Variants in TPCN1 observed in about 807,000 individuals in gnomAD.
TPCN1 encodes the protein two pore channel protein 1.
Under a neutral mutation model 108.8 loss-of-function variants are expected in TPCN1, and 52 were observed. That is an observed-to-expected ratio of 0.48 (90% CI 0.38 to 0.60). The LOEUF (loss-of-function observed/expected upper bound fraction) is 0.60, where lower values mean the gene tolerates loss of function less well. TPCN1 is among the 20% of genes least tolerant of loss of function. The pLI is 0.00. For synonymous variants in TPCN1, 446 were observed against 433.7 expected, an observed-to-expected ratio of 1.03 and a Z score of -0.35; for missense variants, 806 against 1,072.8, an observed-to-expected ratio of 0.75 and a Z score of 3.47.
intron 2 of TPCN1, among the ~76,000 whole-genome samples, chr12:113,259,291 C>A (rs1954937961): frequency 6.6e-6 from 1 of 152,160 alleles, no homozygotes; most frequent in Non-Finnish European, 1.5e-5. Flanking sequence ...ACATTAGATT[C>A]TTTATCTTCC....
intron 1 of TPCN1, among the ~76,000 whole-genome samples, 165 bp downstream of exon 1, chr12:113,221,791 A>T (rs1414178778): frequency 6.6e-6 from 1 of 152,138 alleles, no homozygotes; most frequent in Non-Finnish European, 1.5e-5. Flanking sequence ...CTCTCCGTCC[A>T]GCCCGGGCCG....
chr12:113,275,099 G>A (rs188574161), intron 10 of TPCN1, among the ~76,000 whole-genome samples: 6 of 152,280 alleles, frequency 3.9e-5, no homozygotes, highest in East Asian at 1.9e-4. Context: ...CAGAGCTAAC[G>A]GGGAGAGGCT....
chr12:113,296,380 T>A lies in TPCN1; in HGVS notation c.*304T>A. The A allele has an allele frequency of 2.8e-6, 1 of 351,750 alleles. No individual in the cohort carries two copies. The highest frequency in any genetic ancestry group is 5.2e-6 in the Non-Finnish European group (1 of 190,806). The allele number at this position is 351,750 out of a possible 1,614,324, so 21.8% of individuals were successfully genotyped here. Reference sequence around the variant, plus strand: ...ACCTGGATCCAGTCGACTGCGGGGCTTGCCCCTCATGTGGGCTGGCCTCCA... The same window carrying A: ...ACCTGGATCCAGTCGACTGCGGGGCATGCCCCTCATGTGGGCTGGCCTCCA... On this transcript the variant is annotated 3_prime_UTR_variant, in exon 28 of 28. Coordinates refer to ENST00000335509, the MANE Select transcript of TPCN1 (RefSeq NM_017901.6).
At position 113,284,884 on chromosome 12, in the gene TPCN1, C is replaced by A; in HGVS notation, c.1453+113C>A. On this transcript the variant is annotated intron_variant, in intron 17 of 27. Coordinates refer to ENST00000335509, the MANE Select transcript of TPCN1 (RefSeq NM_017901.6). The surrounding 1 kb of genome is among the most constrained non-coding windows in gnomAD (Gnocchi z 4.1). ...TCTAAAACAGGAAGCTATAAAGAGA[C>A]GGAGTAATCAGTCTGATTCCATCTC... is the stretch of plus-strand genomic sequence containing the variant. 1.6e-6 allele frequency: 2 copies of A among 1,215,616 alleles called. No individual in the cohort carries two copies. Among genetic ancestry groups the A allele is most frequent in the Non-Finnish European group, 2.4e-6 (2 of 828,658 alleles). The allele number at this position is 1,215,616 out of a possible 1,614,324, so 75.3% of individuals were successfully genotyped here.
chr12:113,260,456 G>A lies in TPCN1; in HGVS notation c.201G>A (p.Trp67Ter), dbSNP rs1251448607. 2 of 1,571,502 alleles carry A rather than the reference G, an allele frequency of 1.3e-6. No individual in the cohort carries two copies. The highest frequency in any genetic ancestry group is 1.7e-6 in the Non-Finnish European group (2 of 1,161,614). The part of the protein sequence containing the change: ...ESSPSSPAHN[W>*]EMNYQEAAIY... ...CCCCCTCCAGCCCCGCACACAACTG[G>A]GAGATGAATTACCAAGAGGCAGCAA... The change falls in exon 3 of 28, where the codon TGG (tryptophan) becomes TGA (stop). Residue 67 changes from tryptophan (W) to a stop codon, truncating the protein, a stop_gained. Coordinates refer to ENST00000335509, the MANE Select transcript of TPCN1 (RefSeq NM_017901.6). LOFTEE classifies it high-confidence loss of function.
intron 2 of TPCN1, among the ~76,000 whole-genome samples, chr12:113,233,585 C>T (rs923176707): frequency 4.6e-5 from 7 of 152,232 alleles, no homozygotes; most frequent in Non-Finnish European, 1.0e-4. Flanking sequence ...TAGAGTGAAT[C>T]CTCTGGTTCG....
intron 1 of TPCN1, among the ~76,000 whole-genome samples, chr12:113,222,836 A>G (rs1953304686): frequency 6.6e-6 from 1 of 152,098 alleles, no homozygotes; most frequent in Non-Finnish European, 1.5e-5. Context: ...CATAGAAACC[A>G]CTAGCCATTA....
At position 113,272,753 on chromosome 12, in the gene TPCN1, G is replaced by T; in HGVS notation, c.783+61G>T. The T allele has an allele frequency of 6.5e-7, 1 of 1,542,822 alleles. No individual in the cohort carries two copies. The highest frequency in any genetic ancestry group is 9.0e-7 in the Non-Finnish European group (1 of 1,115,266). On this transcript the variant is annotated intron_variant, in intron 8 of 27. Transcript: ENST00000335509. This position sits in a 1 kb window ranked among gnomAD's most constrained non-coding sequence, Gnocchi z 4.1. ...ATGGAGGGCTTTTCCCTCAGACAGG[G>T]TCACCGGCGTGACCCTGTGGCCATA...
chr12:113,248,847 G>T (rs1954511809), intron 2 of TPCN1, among the ~76,000 whole-genome samples: 1 of 152,236 alleles, frequency 6.6e-6, no homozygotes, highest in African/African-American at 2.4e-5. Flanking sequence ...CACGATAGAG[G>T]ATTTCTCTGA....
At chr12:113,245,887 G>A (rs1433620456) in intron 2 of TPCN1, 3 of 450,802 alleles carry the variant, frequency 6.7e-6, no homozygotes, top group African/African-American at 6.0e-5. Flanking sequence ...TATGGAAACT[G>A]TTTCTATTTA....
chr12:113,264,154 G>C (rs1369542887), intron 3 of TPCN1, among the ~76,000 whole-genome samples: 4 of 152,174 alleles, frequency 2.6e-5, no homozygotes, highest in Non-Finnish European at 5.9e-5. Flanking sequence ...TCATGGAGGT[G>C]GTAGTGAAAA....
chr12:113,286,653 G>A (rs1193612174), intron 18 of TPCN1, among the ~76,000 whole-genome samples: 1 of 152,230 alleles, frequency 6.6e-6, no homozygotes, highest in Non-Finnish European at 1.5e-5. Flanking sequence ...GACGAGGCCT[G>A]TCTCCAGGGC....
intron 10 of TPCN1, among the ~76,000 whole-genome samples, chr12:113,275,997 C>T (rs1428947041): frequency 6.6e-6 from 1 of 152,184 alleles, no homozygotes; most frequent in Non-Finnish European, 1.5e-5. Flanking sequence ...CAACAAAGTA[C>T]GACCTGCTGG....
At chr12:113,227,055 G>T in intron 2 of TPCN1, 91 bp downstream of exon 2, 1 of 1,077,796 alleles carries the variant, frequency 9.3e-7, no homozygotes, top group Non-Finnish European at 1.3e-6. Context: ...TAGTAGGGGT[G>T]TGTAACTTGT....
chr12:113,252,385 C>T (rs895105941), intron 2 of TPCN1, among the ~76,000 whole-genome samples: 2 of 152,134 alleles, frequency 1.3e-5, no homozygotes, highest in Admixed American at 6.5e-5. Context: ...GACGTTGTCT[C>T]CCCACCAGGA....
At chr12:113,225,327 GA>G in intron 1 of TPCN1, 1 of 438,576 alleles carries the variant, frequency 2.3e-6, no homozygotes, top group Non-Finnish European at 4.6e-6. Flanking sequence ...CCAAAGCGCT[GA>G]GATTACAGGT....
At position 113,269,414 on chromosome 12, in the gene TPCN1, G is replaced by A. The variant is rs933562525; in HGVS notation, c.660-343G>A. 6.6e-6 allele frequency among the ~76,000 whole-genome samples: 1 copy of A among 152,196 alleles called. No individual in the cohort carries two copies. The highest frequency in any genetic ancestry group is 1.5e-5 in the Non-Finnish European group (1 of 68,034). On this transcript the variant is annotated intron_variant, in intron 6 of 27. Coordinates refer to ENST00000335509, the MANE Select transcript of TPCN1 (RefSeq NM_017901.6). The surrounding 1 kb of genome is among the most constrained non-coding windows in gnomAD (Gnocchi z 5.0). ...TCCCAGGACTAAGTGGCCTTGAAAT[G>A]TCTTCATGCCTTCCACATCCTGCTC...
chr12:113,240,361 G>A (rs746889047), intron 2 of TPCN1, among the ~76,000 whole-genome samples: 23 of 152,258 alleles, frequency 1.5e-4, no homozygotes, highest in African/African-American at 5.5e-4. Context: ...TGTCTACAAC[G>A]GTTGAACATT....
rs543363048 is a variant in TPCN1 at position 113,284,250 on chromosome 12, C to A, written c.1343-331C>A. On this transcript the variant is annotated intron_variant, in intron 15 of 27. Coordinates refer to ENST00000335509, the MANE Select transcript of TPCN1 (RefSeq NM_017901.6). The surrounding 1 kb of genome is among the most constrained non-coding windows in gnomAD (Gnocchi z 4.1). ...AAAATTAGAAGTCTCTAGGGGAAAA[C>A]AAGTGTTTTCAATACTTGAATGCCT... Among the ~76,000 whole-genome samples, 6 of 152,334 alleles carry A rather than the reference C, an allele frequency of 3.9e-5. No homozygotes were observed. Among genetic ancestry groups the A allele is most frequent in the African/African-American group, 1.4e-4 (6 of 41,574 alleles).
Sources: allele counts gnomAD v4.1 joint callset (sites outside exome capture counted in the v4.1 genomes callset), GRCh38; gene constraint gnomAD v4.1.1; non-coding constraint Gnocchi (gnomAD v3.1); transcripts MANE v1.5; gene names NCBI Gene and HGNC (gene_info 2026-07-23, HGNC 2026-07-21).